Variants in PRICKLE2 observed in about 807,000 individuals in gnomAD.
PRICKLE2 encodes prickle planar cell polarity protein 2, also known as prickle-like protein 2.
In PRICKLE2, 21 loss-of-function variants were observed where a neutral mutation model predicts 81.4. That is an observed-to-expected ratio of 0.26 (90% CI 0.18 to 0.37). PRICKLE2 has a LOEUF of 0.37. Among genes scored for constraint, PRICKLE2 ranks in the 10% least tolerant of loss-of-function variants. The pLI is 1.00. For synonymous variants in PRICKLE2, 456 were observed against 421.5 expected, an observed-to-expected ratio of 1.08 and a Z score of -1.00; for missense variants, 940 against 1,109.0, an observed-to-expected ratio of 0.85 and a Z score of 2.16.
At chr3:64,234,888 G>T (rs534974085) in intron 2 of PRICKLE2, among the ~76,000 whole-genome samples, 18 of 152,158 alleles carry the variant, frequency 1.2e-4, no homozygotes, top group African/African-American at 4.3e-4. Context: ...GAGTACTTTG[G>T]CTTCCTGGAT....
At chr3:64,226,251 G>C (rs1040204677), upstream of PRICKLE2, among the ~76,000 whole-genome samples, 1 of 152,134 alleles carries the variant, frequency 6.6e-6, no homozygotes, top group Non-Finnish European at 1.5e-5. Flanking sequence ...ACATTTCCTA[G>C]ACCTCAGATA....
intron 2 of PRICKLE2, among the ~76,000 whole-genome samples, chr3:64,173,319 G>C (rs941598407): frequency 2.6e-5 from 4 of 152,062 alleles, no homozygotes; most frequent in African/African-American, 7.2e-5. Context: ...ATGTGGAACT[G>C]GGAAGAGCTA....
At chr3:64,202,048 G>C (rs932745573) in intron 1 of PRICKLE2, among the ~76,000 whole-genome samples, 1 of 152,166 alleles carries the variant, frequency 6.6e-6, no homozygotes, top group Non-Finnish European at 1.5e-5. Flanking sequence ...GACCATAGCT[G>C]TAAGAGTTTA....
At chr3:64,102,478 A>C (rs2076682813) in intron 7 of PRICKLE2, 1 of 152,474 alleles carries the variant, frequency 6.6e-6, no homozygotes, top group Non-Finnish European at 1.5e-5. Context: ...CGAGAATCTC[A>C]TGCCTGATGA....
rs564506254 is a variant in PRICKLE2, at chr3:64,211,343, A to G, written c.-40-12376T>C. Among the ~76,000 whole-genome samples, 15 of 152,372 alleles carry G rather than the reference A, an allele frequency of 9.8e-5. No homozygotes were observed. In the South Asian group the frequency reaches 3.1e-3, roughly 32 times the overall value. ...GTAGGTGTTGCAAGGAGTTAAAAAA[A>G]TAAAAAGGAGTTTCTATCTGACACA... On this transcript the variant is annotated intron_variant, in intron 1 of 7. Transcript: ENST00000638394.
intron 2 of PRICKLE2, among the ~76,000 whole-genome samples, chr3:64,165,815 T>G (rs1354728049): frequency 6.6e-6 from 1 of 152,170 alleles, no homozygotes; most frequent in Non-Finnish European, 1.5e-5. Flanking sequence ...GGCCCACTTT[T>G]GAATGGGCAG....
At chr3:64,135,281 G>A (rs1199922515) in intron 7 of PRICKLE2, among the ~76,000 whole-genome samples, 1 of 152,150 alleles carries the variant, frequency 6.6e-6, no homozygotes, top group Non-Finnish European at 1.5e-5. Context: ...AAATGAATGA[G>A]TATTTTCCTC....
chr3:64,258,144 AAG>A (rs2079555681), intron 2 of PRICKLE2, among the ~76,000 whole-genome samples: 1 of 152,086 alleles, frequency 6.6e-6, no homozygotes, highest in Non-Finnish European at 1.5e-5. Context: ...TCTTGGTTAT[AAG>A]AAACTGTCAT....
chr3:64,185,467 C>T (rs2078210826), intron 2 of PRICKLE2, among the ~76,000 whole-genome samples: 1 of 152,200 alleles, frequency 6.6e-6, no homozygotes. Flanking sequence ...ACAACTACCA[C>T]CACTGTTTAC....
intron 2 of PRICKLE2, among the ~76,000 whole-genome samples, chr3:64,171,906 T>G (rs911574818): frequency 2.0e-5 from 3 of 152,198 alleles, no homozygotes; most frequent in African/African-American, 7.2e-5. Flanking sequence ...CCATTTGTAT[T>G]TGAAGCCAGA....
Position 64,147,776 on chromosome 3 carries a change from A to T in PRICKLE2, c.788-74T>A. 6.5e-7 allele frequency: 1 copy of T among 1,543,202 alleles called. No individual in the cohort carries two copies. Among genetic ancestry groups the T allele is most frequent in the Admixed American group, 1.7e-5 (1 of 59,706 alleles). On this transcript the variant is annotated intron_variant, in intron 6 of 7. Transcript: ENST00000638394. This position sits in a 1 kb window ranked among gnomAD's most constrained non-coding sequence, Gnocchi z 5.0. ...TGCACTGGGACGTGAAACACATAGC[A>T]CCTTGGTTTGTCTCAGGATTCCAGG...
chr3:64,110,638 A>G (rs1238043130), intron 7 of PRICKLE2, among the ~76,000 whole-genome samples: 1 of 152,164 alleles, frequency 6.6e-6, no homozygotes, highest in African/African-American at 2.4e-5. Flanking sequence ...AAGGATGAGA[A>G]GGAGCCCACC....
intron 2 of PRICKLE2, 75 bp from the exon 3 acceptor site, chr3:64,163,204 G>C: frequency 1.1e-6 from 1 of 885,782 alleles, no homozygotes; most frequent in Non-Finnish European, 1.9e-6. Context: ...CTGGGAAGAT[G>C]ATTCCCCCAG....
intron 2 of PRICKLE2, among the ~76,000 whole-genome samples, chr3:64,181,292 C>A (rs1467801537): frequency 1.3e-5 from 2 of 152,102 alleles, no homozygotes; most frequent in Non-Finnish European, 2.9e-5. Flanking sequence ...TTGTGAGAGA[C>A]AAGCACTCAG....
chr3:64,094,516 C>T lies in PRICKLE2; in HGVS notation c.*4535G>A, dbSNP rs1271074031. On this transcript the variant is annotated 3_prime_UTR_variant, in exon 8 of 8. Transcript: ENST00000638394. ...CCTAACACTATGTGACTTTCCCCTC[C>T]TTTATATTTCCTTGAGGAAAGCTAG... 6.6e-6 allele frequency: 1 copy of T among 152,216 alleles called. No individual in the cohort carries two copies. Among genetic ancestry groups the T allele is most frequent in the Non-Finnish European group, 1.5e-5 (1 of 68,030 alleles). The allele number at this position is 152,216 out of a possible 1,614,324, so 9.4% of individuals were successfully genotyped here.
intron 3 of PRICKLE2, among the ~76,000 whole-genome samples, 190 bp downstream of exon 3, chr3:64,162,826 C>CT (rs1400185433): frequency 2.0e-5 from 3 of 152,116 alleles, no homozygotes; most frequent in Non-Finnish European, 4.4e-5. Flanking sequence ...TGAGATTCTG[C>CT]TTTTTTAGTA....
At chr3:64,256,307 T>C (rs2079523750) in intron 2 of PRICKLE2, among the ~76,000 whole-genome samples, 1 of 152,198 alleles carries the variant, frequency 6.6e-6, no homozygotes, top group African/African-American at 2.4e-5. Flanking sequence ...CCTCACTTCC[T>C]CAAAAATGAA....
In PRICKLE2 at chr3:64,231,744, G is replaced by T. The variant is rs949905746; in HGVS notation, c.129-32777C>A. On this transcript the variant is annotated intron_variant, in intron 2 of 8. Coordinates refer to the PRICKLE2 transcript ENST00000295902. Reference sequence around the variant, plus strand: ...GAGGACTGGACATACCAGACATCTTGCATACTTTATCTCATTTAGTCCTCA... The same window carrying T: ...GAGGACTGGACATACCAGACATCTTTCATACTTTATCTCATTTAGTCCTCA... Among the ~76,000 whole-genome samples the T allele has an allele frequency of 3.9e-5, 6 of 152,268 alleles. No individual in the cohort carries two copies. The South Asian group carries it at 1.2e-3, about 32-fold the overall frequency.
At chr3:64,222,594 T>C (rs1042503278) in intron 1 of PRICKLE2, among the ~76,000 whole-genome samples, 1 of 152,238 alleles carries the variant, frequency 6.6e-6, no homozygotes, top group South Asian at 2.1e-4. Flanking sequence ...GACTGGGCCA[T>C]GGTAGGCAGG....
Sources: gnomAD v4.1 joint callset for allele counts (sites outside exome capture counted in the v4.1 genomes callset) on GRCh38, gnomAD v4.1.1 for gene constraint, Gnocchi (gnomAD v3.1) non-coding constraint, MANE v1.5 for transcripts, NCBI Gene and HGNC (gene_info 2026-07-23, HGNC 2026-07-21) for gene names.